Variants in APOOL observed in about 807,000 individuals in gnomAD.
APOOL encodes apolipoprotein O like, also known as MICOS complex subunit MIC27.
In APOOL, 12 loss-of-function variants were observed where a neutral mutation model predicts 23.1. The ratio of observed to expected loss-of-function variants is 0.52; its 90% confidence interval spans 0.33 to 0.84. The LOEUF (loss-of-function observed/expected upper bound fraction) is 0.84. Among genes scored for constraint, APOOL ranks in the 40% least tolerant of loss-of-function variants. APOOL has a pLI of 0.02. For synonymous variants in APOOL, 77 were observed against 69.9 expected, an observed-to-expected ratio of 1.10 and a Z score of -0.51; for missense variants, 212 against 199.6, an observed-to-expected ratio of 1.06 and a Z score of -0.37.
chrX:85,042,785 C>T (rs1922443219), intron 1 of APOOL, among the ~76,000 whole-genome samples: 1 of 111,816 alleles, frequency 8.9e-6, no homozygotes, highest in South Asian at 3.7e-4. Flanking sequence ...TCAGCATATG[C>T]AGATCAGTTA....
At chrX:85,030,455 A>C (rs1018050858) in intron 1 of APOOL, among the ~76,000 whole-genome samples, 1 of 111,479 alleles carries the variant, frequency 9.0e-6, no homozygotes, top group African/African-American at 3.3e-5. Context: ...TTTCTACTAC[A>C]TAATTCATCC....
In APOOL at chrX:85,064,977, G is replaced by T. The variant is rs142460412; in HGVS notation, c.395-2150G>T. Among the ~76,000 whole-genome samples the T allele has an allele frequency of 3.5e-4, 39 of 111,288 alleles. No individual in the cohort carries two copies. In the East Asian group the frequency reaches 0.011, roughly 30 times the overall value. ...ATGATCTTTCTGATATTGACAGTGGGATATTAAAGTCTCCCACTATTATTA... is the reference window on the plus strand; with the variant it reads ...ATGATCTTTCTGATATTGACAGTGGTATATTAAAGTCTCCCACTATTATTA... On this transcript the variant is annotated intron_variant, in intron 5 of 8. Coordinates refer to ENST00000373173, the MANE Select transcript of APOOL (RefSeq NM_198450.6).
intron 3 of APOOL, among the ~76,000 whole-genome samples, chrX:85,053,373 C>A (rs1004617494): frequency 8.9e-6 from 1 of 111,824 alleles, no homozygotes; most frequent in African/African-American, 3.2e-5. Flanking sequence ...CAATTTTAAA[C>A]CAAGATGAAC....
chrX:85,029,126 A>C (rs1346606093), intron 1 of APOOL, among the ~76,000 whole-genome samples: 1 of 111,453 alleles, frequency 9.0e-6, no homozygotes, highest in Non-Finnish European at 1.9e-5. Flanking sequence ...CTCCATAGTA[A>C]TTGTACTAAC....
chrX:85,010,350 G>T (rs911563112), intron 1 of APOOL, among the ~76,000 whole-genome samples: 3 of 111,614 alleles, frequency 2.7e-5, no homozygotes, highest in African/African-American at 9.8e-5. Flanking sequence ...CAGATATTTT[G>T]CCCATTTAAA....
chrX:85,046,634 T>G (rs769348788), intron 2 of APOOL, 84 bp downstream of exon 2: 1 of 767,930 alleles, frequency 1.3e-6, no homozygotes, highest in African/African-American at 2.2e-5. Context: ...TCTTTGCCCA[T>G]CAAAAATGTC....
chrX:85,080,914 C>A (rs1170340934), intron 8 of APOOL, among the ~76,000 whole-genome samples: 2 of 110,877 alleles, frequency 1.8e-5, no homozygotes, highest in Admixed American at 9.7e-5. Flanking sequence ...AGGATTGCAA[C>A]CCCTGCTTTT....
intron 5 of APOOL, among the ~76,000 whole-genome samples, chrX:85,065,218 T>C (rs1390277366): frequency 9.0e-6 from 1 of 111,706 alleles, no homozygotes; most frequent in African/African-American, 3.3e-5. Context: ...TTTTTCTGCT[T>C]TCCATTTGCT....
chrX:85,004,753 C>T lies in APOOL; in HGVS notation c.15+826C>T, dbSNP rs146146606. Among the ~76,000 whole-genome samples, 538 of 111,667 alleles carry T rather than the reference C, an allele frequency of 4.8e-3. 3 individuals are homozygous for T. Among genetic ancestry groups the T allele is most frequent in the African/African-American group, 0.017 (512 of 30,706 alleles). ...CCTGGCTCTCATGTAATCTGTTTTC[C>T]TCTGTGTTGCCAGAGTACATCTACC... On this transcript the variant is annotated intron_variant, in intron 1 of 8. Transcript: ENST00000373173.
chrX:85,032,514 CAA>C (rs147357908), intron 1 of APOOL, among the ~76,000 whole-genome samples: 5 of 66,590 alleles, frequency 7.5e-5, no homozygotes, highest in Admixed American at 3.4e-4. Context: ...AATTCCTTCT[CAA>C]AAAAAAAAAA....
chrX:85,072,075 C>CT (rs1923687192), intron 6 of APOOL, among the ~76,000 whole-genome samples: 1 of 111,763 alleles, frequency 8.9e-6, no homozygotes, highest in African/African-American at 3.3e-5. Flanking sequence ...CGCCACTGTA[C>CT]TCCAGCCTGG....
At chrX:85,076,995 T>TATATATATATATA (rs1923858669) in intron 8 of APOOL, among the ~76,000 whole-genome samples, 1 of 82,525 alleles carries the variant, frequency 1.2e-5, no homozygotes, top group African/African-American at 5.2e-5. Flanking sequence ...TTTGCTAAAC[T>TATATATATATATA]TATATATATA....
intron 1 of APOOL, among the ~76,000 whole-genome samples, chrX:85,019,624 C>T (rs755934749): frequency 5.4e-5 from 6 of 111,983 alleles, no homozygotes; most frequent in Non-Finnish European, 9.4e-5. Context: ...TAGGTGTGCA[C>T]GGAACTGCTG....
chrX:85,086,259 T>C (rs1246001018), intron 8 of APOOL, among the ~76,000 whole-genome samples: 2 of 111,720 alleles, frequency 1.8e-5, no homozygotes, highest in Non-Finnish European at 3.8e-5. Flanking sequence ...TCTTACCTCA[T>C]TCACTGGCTT....
intron 1 of APOOL, among the ~76,000 whole-genome samples, chrX:85,022,421 A>T (rs1187597624): frequency 5.4e-5 from 6 of 112,050 alleles, no homozygotes; most frequent in Non-Finnish European, 7.5e-5. Context: ...GGATGGAAGG[A>T]TGGTTCAAAA....
chrX:85,012,953 G>A (rs1270315519), intron 1 of APOOL, among the ~76,000 whole-genome samples: 3 of 111,910 alleles, frequency 2.7e-5, no homozygotes, highest in Non-Finnish European at 5.7e-5. Flanking sequence ...ATACAGCTTA[G>A]CTGTGAATCC....
intron 3 of APOOL, among the ~76,000 whole-genome samples, chrX:85,052,800 A>G (rs16980069): frequency 0.046 from 5,110 of 111,346 alleles, 254 homozygotes; most frequent in African/African-American, 0.15. Context: ...GCCAATAGCT[A>G]GATGATTCAG....
chrX:85,067,166 C>T lies in APOOL; in HGVS notation c.434C>T (p.Ala145Val). 8.6e-7 allele frequency: 1 copy of T among 1,160,730 alleles called. No homozygotes were observed. The highest frequency in any genetic ancestry group is 1.2e-6 in the Non-Finnish European group (1 of 868,104). ...AAAATTACTTATCCTCTGGGACTGG[C>T]CACTTTAGGAGCAACTGTTTGCTAC... ...FKKITYPLGLATLGATVCYPV... is the reference protein window; with the variant it reads ...FKKITYPLGLVTLGATVCYPV... Residue 145 changes from alanine (A) to valine (V), a missense_variant, in exon 6 of 9, where the codon GCC becomes GTC. Physicochemically the swap from Ala to Val is moderately conservative, Grantham distance 64. Transcript: ENST00000373173.
chrX:85,077,847 T>A (rs1022449268), intron 8 of APOOL, among the ~76,000 whole-genome samples: 1 of 112,146 alleles, frequency 8.9e-6, no homozygotes, highest in Non-Finnish European at 1.9e-5. Context: ...TTTGCAGTGA[T>A]GATGAGCATT....
Sources: gnomAD v4.1 joint callset for allele counts (sites outside exome capture counted in the v4.1 genomes callset) on GRCh38, gnomAD v4.1.1 for gene constraint, MANE v1.5 for transcripts, NCBI Gene and HGNC (gene_info 2026-07-23, HGNC 2026-07-21) for gene names.